MACROD1: variants seen among roughly 807,000 people sequenced by gnomAD.
MACROD1 encodes the protein mono-ADP ribosylhydrolase 1, also known as ADP-ribose glycohydrolase MACROD1.
A neutral mutation model predicts 41.4 loss-of-function variants in MACROD1; 31 were observed. The observed-to-expected ratio is 0.75, with a 90% CI of 0.56 to 1.01. The LOEUF (loss-of-function observed/expected upper bound fraction) is 1.01, where lower values mean the gene tolerates loss of function less well. Ranked by LOEUF, MACROD1 falls within the 50% of genes least tolerant of loss-of-function variation. The pLI is 0.00. For missense variants in MACROD1, 473 were observed against 460.0 expected, an observed-to-expected ratio of 1.03 and a Z score of -0.26; for synonymous variants, 252 against 203.4, an observed-to-expected ratio of 1.24 and a Z score of -2.03.
intron 1 of MACROD1, among the ~76,000 whole-genome samples, chr11:64,154,646 G>T (rs1044940063): frequency 4.6e-5 from 7 of 152,180 alleles, no homozygotes; most frequent in Non-Finnish European, 7.3e-5. Context: ...AAACAGCCAG[G>T]CTGCTTCCTG....
At chr11:64,056,519 G>A (rs1565212308) in intron 3 of MACROD1, among the ~76,000 whole-genome samples, 1 of 152,246 alleles carries the variant, frequency 6.6e-6, no homozygotes, top group Non-Finnish European at 1.5e-5. Flanking sequence ...GACGGAGCCT[G>A]GGTCTCCATC....
chr11:64,109,669 G>A (rs1434884249), intron 3 of MACROD1, among the ~76,000 whole-genome samples: 5 of 152,132 alleles, frequency 3.3e-5, no homozygotes, highest in African/African-American at 7.2e-5. Flanking sequence ...CAGCCTGGAG[G>A]GCCTCCCATG....
chr11:64,118,927 T>C (rs1305700815), intron 3 of MACROD1: 2 of 155,182 alleles, frequency 1.3e-5, no homozygotes, highest in Admixed American at 6.8e-5. Flanking sequence ...TGTAGTCGAT[T>C]AAAAAAAAAA....
intron 3 of MACROD1, among the ~76,000 whole-genome samples, chr11:64,144,588 C>T (rs2622430): frequency 0.064 from 9,806 of 152,126 alleles, 390 homozygotes; most frequent in Middle Eastern, 0.15. Flanking sequence ...TGGCCCGGCC[C>T]CACCTGCTCT....
chr11:64,012,566 A>G (rs542319267), intron 4 of MACROD1, among the ~76,000 whole-genome samples: 309 of 151,546 alleles, frequency 2.0e-3, no homozygotes, highest in African/African-American at 7.1e-3. Context: ...ATGCCCAGCT[A>G]ATTTTTGTAT....
Position 64,040,671 on chromosome 11 carries a change from C to T in MACROD1, c.518-25390G>A, listed in dbSNP as rs560623743. 1.2e-4 allele frequency among the ~76,000 whole-genome samples: 19 copies of T among 152,272 alleles called. No individual in the cohort carries two copies. In the East Asian group the frequency reaches 2.5e-3, roughly 20 times the overall value. On this transcript the variant is annotated intron_variant, in intron 3 of 10. Transcript: ENST00000255681. Reference sequence around the variant, plus strand: ...GAGACAAATGTGGGCTTGTTTATGACGGGGGCGGTAGCCCTGGGTGGACCG... The same window carrying T: ...GAGACAAATGTGGGCTTGTTTATGATGGGGGCGGTAGCCCTGGGTGGACCG...
chr11:64,069,241 C>T (rs1273409756), intron 3 of MACROD1, among the ~76,000 whole-genome samples: 3 of 152,176 alleles, frequency 2.0e-5, no homozygotes, highest in African/African-American at 4.8e-5. Flanking sequence ...CACCTGGATC[C>T]GCAGTTCTAC....
At chr11:64,014,862 T>G (rs2134340754) in intron 4 of MACROD1, among the ~76,000 whole-genome samples, 1 of 152,294 alleles carries the variant, frequency 6.6e-6, no homozygotes, top group South Asian at 2.1e-4. Context: ...CTGTCCTGGC[T>G]GCGGAGCCCG....
At chr11:64,062,211 T>A (rs910326905) in intron 3 of MACROD1, among the ~76,000 whole-genome samples, 8 of 152,062 alleles carry the variant, frequency 5.3e-5, no homozygotes, top group Non-Finnish European at 1.2e-4. Flanking sequence ...CTATGAGGGT[T>A]CCACCTCCCC....
chr11:64,051,140 G>A (rs1943686332), intron 3 of MACROD1, among the ~76,000 whole-genome samples: 2 of 152,210 alleles, frequency 1.3e-5, no homozygotes, highest in South Asian at 4.1e-4. Context: ...CAGGTTTGAG[G>A]CCCCCTGACC....
intron 4 of MACROD1, chr11:64,001,126 G>T (rs976528339): frequency 2.8e-5 from 11 of 388,442 alleles, no homozygotes; most frequent in Non-Finnish European, 4.2e-5. Flanking sequence ...CAACCGGGGC[G>T]CAGCGGGAGG....
At chr11:64,144,074 T>C (rs530673068) in intron 3 of MACROD1, among the ~76,000 whole-genome samples, 2 of 151,042 alleles carry the variant, frequency 1.3e-5, no homozygotes, top group East Asian at 2.0e-4. Flanking sequence ...GCCCAAGTGA[T>C]CTGACCAAGC....
At chr11:64,019,576 G>A (rs1029534454) in intron 3 of MACROD1, among the ~76,000 whole-genome samples, 1 of 152,182 alleles carries the variant, frequency 6.6e-6, no homozygotes, top group Admixed American at 6.5e-5. Flanking sequence ...CAGGAGGCCC[G>A]AGGCACAGGT....
intron 3 of MACROD1, among the ~76,000 whole-genome samples, chr11:64,057,329 A>T (rs1409217688): frequency 2.0e-5 from 3 of 152,096 alleles, no homozygotes. Flanking sequence ...CCCCTCATCC[A>T]CCCTGTATGT....
intron 3 of MACROD1, chr11:64,116,678 C>T (rs1366538903): frequency 1.2e-6 from 2 of 1,613,864 alleles, no homozygotes; most frequent in Admixed American, 1.7e-5. Flanking sequence ...TGCAGGACAA[C>T]AATGTGCGCA....
intron 3 of MACROD1, among the ~76,000 whole-genome samples, chr11:64,035,006 A>T (rs1273138651): frequency 6.6e-6 from 1 of 152,192 alleles, no homozygotes; most frequent in Non-Finnish European, 1.5e-5. Context: ...ACCCACAGGC[A>T]TGAACATCTT....
intron 3 of MACROD1, among the ~76,000 whole-genome samples, chr11:64,042,531 C>G (rs1943507558): frequency 6.6e-6 from 1 of 152,192 alleles, no homozygotes; most frequent in South Asian, 2.1e-4. Flanking sequence ...AGGGAGCCAG[C>G]AGTCAGGTAG....
Position 63,998,674 on chromosome 11 carries a change from TC to T in MACROD1, c.*43del. On this transcript the variant is annotated 3_prime_UTR_variant, in exon 11 of 11. Coordinates refer to ENST00000255681, the MANE Select transcript of MACROD1 (RefSeq NM_014067.4). ...CGACCTCTCAGAGCTGGGAGCGGGGTCCCGAAGGCGGGTCTGAGGGCAGAGC... is the reference window on the plus strand; with the variant it reads ...CGACCTCTCAGAGCTGGGAGCGGGGTCCGAAGGCGGGTCTGAGGGCAGAGC... 7.5e-7 allele frequency: 1 copy of T among 1,326,954 alleles called. No homozygotes were observed. The highest frequency in any genetic ancestry group is 3.5e-5 in the Admixed American group (1 of 28,286). The allele number at this position is 1,326,954 out of a possible 1,614,324, so 82.2% of individuals were successfully genotyped here. A position where few individuals can be genotyped will look rare whatever the true frequency, so the allele number is the denominator to read the frequency against.
intron 3 of MACROD1, among the ~76,000 whole-genome samples, chr11:64,070,222 C>T (rs377276801): frequency 1.3e-5 from 2 of 152,106 alleles, no homozygotes; most frequent in African/African-American, 4.8e-5. Flanking sequence ...CCCTGCTGCA[C>T]CAAGTGGGGT....
Sources: gnomAD v4.1 joint callset for allele counts (sites outside exome capture counted in the v4.1 genomes callset) on GRCh38, gnomAD v4.1.1 for gene constraint, MANE v1.5 for transcripts, NCBI Gene and HGNC (gene_info 2026-07-23, HGNC 2026-07-21) for gene names.